HTR4: variants seen among roughly 807,000 people sequenced by gnomAD.
HTR4 encodes 5-hydroxytryptamine receptor 4, also known as 5-hydroxytryptamine (serotonin) receptor 4, G protein-coupled.
Under a neutral mutation model 36.8 loss-of-function variants are expected in HTR4, and 16 were observed. That is an observed-to-expected ratio of 0.43 (90% CI 0.29 to 0.66). HTR4 has a LOEUF of 0.66. Among genes scored for constraint, HTR4 ranks in the 30% least tolerant of loss-of-function variants. HTR4 has a pLI of 0.13. For synonymous variants in HTR4, 189 were observed against 185.1 expected, an observed-to-expected ratio of 1.02 and a Z score of -0.17; for missense variants, 438 against 490.9, an observed-to-expected ratio of 0.89 and a Z score of 1.02.
chr5:148,631,732 A>G (rs1232255616), intron 2 of HTR4, among the ~76,000 whole-genome samples: 4 of 152,198 alleles, frequency 2.6e-5, no homozygotes, highest in Admixed American at 2.6e-4. Context: ...GATATCCAAT[A>G]CATTTAATTT....
At chr5:148,597,413 C>A (rs948630767) in intron 2 of HTR4, among the ~76,000 whole-genome samples, 1 of 152,138 alleles carries the variant, frequency 6.6e-6, no homozygotes, top group Non-Finnish European at 1.5e-5. Context: ...ACCTTAGAAC[C>A]CAAGTTGAAA....
chr5:148,515,997 TACACATATACATATATGTATGGACACAC>T (rs1299759319), intron 5 of HTR4, among the ~76,000 whole-genome samples: 3 of 150,210 alleles, frequency 2.0e-5, no homozygotes, highest in Non-Finnish European at 3.0e-5. Context: ...TATATATATA[TACACATATACATATATGTATGGACACAC>T]ACACATATAT....
At chr5:148,499,971 A>C (rs1756864970) in intron 6 of HTR4, among the ~76,000 whole-genome samples, 1 of 152,154 alleles carries the variant, frequency 6.6e-6, no homozygotes, top group Non-Finnish European at 1.5e-5. Flanking sequence ...GCCTCACCAG[A>C]AGCTGAGCCA....
At chr5:148,501,691 A>C (rs192263374) in intron 6 of HTR4, among the ~76,000 whole-genome samples, 144 of 152,266 alleles carry the variant, frequency 9.5e-4, no homozygotes, top group African/African-American at 3.2e-3. Context: ...GGTTTCAACT[A>C]TTCTGTATAG....
chr5:148,610,101 A>G (rs1426751999), intron 2 of HTR4, among the ~76,000 whole-genome samples: 1 of 152,204 alleles, frequency 6.6e-6, no homozygotes, highest in Non-Finnish European at 1.5e-5. Context: ...CCAATAAAAC[A>G]TTGCTCATCA....
intron 6 of HTR4, chr5:148,484,266 A>T (rs1756040714): frequency 1.2e-6 from 2 of 1,613,178 alleles, no homozygotes; most frequent in African/African-American, 2.7e-5. Flanking sequence ...TTACCCCAAG[A>T]CAGGCTTCCT....
chr5:148,454,089 A>G (rs1755039606), intron 5 of HTR4, among the ~76,000 whole-genome samples: 1 of 152,200 alleles, frequency 6.6e-6, no homozygotes, highest in Non-Finnish European at 1.5e-5. Context: ...TATGCAGAAT[A>G]GTAACCATGA....
chr5:148,618,776 T>C (rs573341263), intron 2 of HTR4, among the ~76,000 whole-genome samples: 172 of 152,348 alleles, frequency 1.1e-3, no homozygotes, highest in Non-Finnish European at 2.1e-3. Flanking sequence ...GGTTAGCCGT[T>C]AAAGTCTTCA....
chr5:148,542,203 A>T (rs928996389), intron 4 of HTR4, among the ~76,000 whole-genome samples: 2 of 152,228 alleles, frequency 1.3e-5, no homozygotes, highest in African/African-American at 4.8e-5. Context: ...CTCAACAAAT[A>T]TTATGTACAA....
At chr5:148,522,198 A>G (rs1209986256) in intron 5 of HTR4, among the ~76,000 whole-genome samples, 1 of 152,132 alleles carries the variant, frequency 6.6e-6, no homozygotes, top group African/African-American at 2.4e-5. Context: ...GGCATGTGGA[A>G]CTGTGAGTCC....
At chr5:148,615,489 A>T (rs1407428330) in intron 2 of HTR4, among the ~76,000 whole-genome samples, 4 of 131,020 alleles carry the variant, frequency 3.1e-5, no homozygotes, top group Non-Finnish European at 6.2e-5. Context: ...ATGAGATCAC[A>T]TGGACACAGG....
chr5:148,587,981 T>A (rs1203145461), intron 2 of HTR4, among the ~76,000 whole-genome samples: 2 of 152,206 alleles, frequency 1.3e-5, no homozygotes, highest in Non-Finnish European at 2.9e-5. Flanking sequence ...GATAACTGAC[T>A]GCCCTCAGTT....
chr5:148,493,192 C>T (rs964201400), intron 6 of HTR4, among the ~76,000 whole-genome samples: 4 of 152,108 alleles, frequency 2.6e-5, no homozygotes, highest in African/African-American at 7.2e-5. Context: ...GATTACTTCA[C>T]GTTGTGATGG....
chr5:148,550,793 G>A (rs1238774064), intron 2 of HTR4, among the ~76,000 whole-genome samples: 2 of 152,112 alleles, frequency 1.3e-5, no homozygotes, highest in African/African-American at 2.4e-5. Context: ...CAAGGCATGG[G>A]GACCAAATAA....
chr5:148,648,739 T>A, intron 1 of HTR4, among the ~76,000 whole-genome samples: 1 of 152,216 alleles, frequency 6.6e-6, no homozygotes, highest in East Asian at 1.9e-4. Flanking sequence ...GCTTCTGCTA[T>A]GACTTCTTGG....
At chr5:148,501,021 G>A (rs1396251841) in intron 6 of HTR4, among the ~76,000 whole-genome samples, 1 of 152,048 alleles carries the variant, frequency 6.6e-6, no homozygotes, top group Non-Finnish European at 1.5e-5. Flanking sequence ...AGAAATACTA[G>A]CACATGCACC....
At chr5:148,649,188 AT>A (rs1449998939) in intron 1 of HTR4, among the ~76,000 whole-genome samples, 1 of 152,122 alleles carries the variant, frequency 6.6e-6, no homozygotes, top group African/African-American at 2.4e-5. Flanking sequence ...AATAAACATT[AT>A]TTAAATTAAA....
downstream of HTR4, among the ~76,000 whole-genome samples, chr5:148,481,297 G>A (rs955907457): frequency 6.6e-6 from 1 of 152,228 alleles, no homozygotes; most frequent in Non-Finnish European, 1.5e-5. Context: ...CAGCCACAGA[G>A]TCAGAGTCAG....
chr5:148,520,890 C>T (rs913830654), intron 5 of HTR4: 1 of 1,367,548 alleles, frequency 7.3e-7, no homozygotes, highest in African/African-American at 1.5e-5. Context: ...GCATTTCTTT[C>T]AGAATCCTAA....
Sources: allele counts gnomAD v4.1 joint callset (sites outside exome capture counted in the v4.1 genomes callset), GRCh38; gene constraint gnomAD v4.1.1; transcripts MANE v1.5; gene names NCBI Gene and HGNC (gene_info 2026-07-23, HGNC 2026-07-21).